The following STXBP5L variants were observed in gnomAD, a reference collection of about 807,000 sequenced individuals.
STXBP5L encodes syntaxin binding protein 5L.
Under a neutral mutation model 144.5 loss-of-function variants are expected in STXBP5L, and 65 were observed. The ratio of observed to expected loss-of-function variants is 0.45; its 90% confidence interval spans 0.37 to 0.55. STXBP5L has a LOEUF of 0.55. Ranked by LOEUF, STXBP5L falls within the 20% of genes least tolerant of loss-of-function variation. The pLI, the probability that STXBP5L is intolerant of heterozygous loss-of-function variation, is 0.00. For synonymous variants in STXBP5L, 505 were observed against 469.6 expected, an observed-to-expected ratio of 1.08 and a Z score of -0.97; for missense variants, 1,298 against 1,405.5, an observed-to-expected ratio of 0.92 and a Z score of 1.22.
At chr3:121,089,626 C>T (rs2042679920) in intron 5 of STXBP5L, among the ~76,000 whole-genome samples, 1 of 151,802 alleles carries the variant, frequency 6.6e-6, no homozygotes, top group Admixed American at 6.6e-5. Flanking sequence ...TTTTGCTCAG[C>T]TTCTTGCATT....
intron 5 of STXBP5L, among the ~76,000 whole-genome samples, chr3:121,054,862 T>A (rs1560066772): frequency 6.6e-6 from 1 of 151,970 alleles, no homozygotes; most frequent in African/African-American, 2.4e-5. Flanking sequence ...TTTCTTCTAA[T>A]ACTTTGAATA....
intron 19 of STXBP5L, among the ~76,000 whole-genome samples, chr3:121,281,876 G>C (rs1451331410): frequency 6.6e-6 from 1 of 151,608 alleles, no homozygotes; most frequent in East Asian, 1.9e-4. Flanking sequence ...AAGGATTAAA[G>C]ACAATCATTT....
chr3:121,321,666 T>G (rs961288573), intron 20 of STXBP5L, among the ~76,000 whole-genome samples: 2 of 152,168 alleles, frequency 1.3e-5, no homozygotes, highest in African/African-American at 4.8e-5. Flanking sequence ...ATGAAACATT[T>G]TAAAAATATT....
At chr3:120,931,674 T>A (rs766552211) in intron 2 of STXBP5L, among the ~76,000 whole-genome samples, 18 of 152,140 alleles carry the variant, frequency 1.2e-4, no homozygotes, top group Admixed American at 2.0e-4. Flanking sequence ...GAAAAAAAAT[T>A]TCTCATTATT....
chr3:120,993,500 G>A (rs144410326), intron 3 of STXBP5L, among the ~76,000 whole-genome samples: 158 of 152,018 alleles, frequency 1.0e-3, no homozygotes, highest in African/African-American at 3.5e-3. Flanking sequence ...GAGATTTAGG[G>A]GTCTAGTTTC....
At chr3:120,967,331 T>C (rs1939711080) in intron 3 of STXBP5L, among the ~76,000 whole-genome samples, 1 of 152,122 alleles carries the variant, frequency 6.6e-6, no homozygotes, top group Non-Finnish European at 1.5e-5. Context: ...CCCAGTGAGA[T>C]TAAGCAGGTA....
At chr3:120,923,055 T>C (rs1366655659) in intron 2 of STXBP5L, among the ~76,000 whole-genome samples, 1 of 152,044 alleles carries the variant, frequency 6.6e-6, no homozygotes, top group African/African-American at 2.4e-5. Flanking sequence ...GTTTTCTATC[T>C]CTTCTTGGTT....
intron 9 of STXBP5L, among the ~76,000 whole-genome samples, chr3:121,167,669 C>G (rs1369058977): frequency 6.6e-6 from 1 of 152,202 alleles, no homozygotes; most frequent in Non-Finnish European, 1.5e-5. Context: ...AAAAATAAGA[C>G]AGCAGCCCCA....
Position 121,150,413 on chromosome 3 carries a change from C to T in STXBP5L, c.670-2064C>T, listed in dbSNP as rs532059658. Among the ~76,000 whole-genome samples the T allele has an allele frequency of 4.1e-4, 63 of 152,110 alleles. No individual in the cohort carries two copies. In the South Asian group the frequency reaches 0.011, roughly 26 times the overall value. ...CCTCATGGTCACAGAGTGGCCTTGT[C>T]TAATGTCTCCTGGATGTCAGGGGGA... On this transcript the variant is annotated intron_variant, in intron 7 of 26. Coordinates refer to ENST00000471454, the MANE Select transcript of STXBP5L (RefSeq NM_001308330.2).
intron 22 of STXBP5L, among the ~76,000 whole-genome samples, chr3:121,406,720 TGTTTGATTTTGAAGAAAAA>T (rs2047000844): frequency 6.6e-6 from 1 of 152,060 alleles, no homozygotes; most frequent in South Asian, 2.1e-4. Flanking sequence ...AATTTCTTCT[TGTTTGATTTTGAAGAAAAA>T]TCAAGCATTT....
chr3:121,396,346 A>G (rs2108721331), intron 22 of STXBP5L, among the ~76,000 whole-genome samples: 1 of 152,350 alleles, frequency 6.6e-6, no homozygotes, highest in South Asian at 2.1e-4. Context: ...TTCCACATGG[A>G]GAAAAATGTA....
intron 18 of STXBP5L, among the ~76,000 whole-genome samples, chr3:121,279,017 G>A (rs574466781): frequency 2.0e-5 from 3 of 151,718 alleles, no homozygotes; most frequent in South Asian, 2.1e-4. Flanking sequence ...AACATGGAAC[G>A]TACATAAAAC....
intron 18 of STXBP5L, among the ~76,000 whole-genome samples, chr3:121,265,340 C>A (rs976808526): frequency 1.3e-5 from 2 of 152,206 alleles, no homozygotes; most frequent in African/African-American, 4.8e-5. Flanking sequence ...CATGCAACTA[C>A]ATGGAAACTG....
chr3:121,345,009 A>G (rs867361192), intron 20 of STXBP5L, among the ~76,000 whole-genome samples: 16 of 151,478 alleles, frequency 1.1e-4, no homozygotes, highest in Non-Finnish European at 1.0e-4. Context: ...TAAGTACAGA[A>G]AGCATATTTT....
Position 121,013,593 on chromosome 3 carries a change from A to G in STXBP5L, c.288-28107A>G, listed in dbSNP as rs572081704. 2.6e-5 allele frequency among the ~76,000 whole-genome samples: 4 copies of G among 152,030 alleles called. No individual in the cohort carries two copies. The South Asian group carries it at 8.3e-4, about 32-fold the overall frequency. The stretch of plus-strand genomic sequence containing the variant: ...GTCCTTTGTTGGATGCCTGGTTTGC[A>G]AATATTTTCTCCCATTCTGTAGGTC... On this transcript the variant is annotated intron_variant, in intron 3 of 26. Coordinates refer to ENST00000471454, the MANE Select transcript of STXBP5L (RefSeq NM_001308330.2).
At chr3:121,284,529 G>A (rs988011568) in intron 19 of STXBP5L, among the ~76,000 whole-genome samples, 13 of 151,970 alleles carry the variant, frequency 8.6e-5, no homozygotes, top group Non-Finnish European at 4.4e-5. Flanking sequence ...CTTTCCAAAT[G>A]CATGACAAGA....
At chr3:121,181,451 C>T (rs1331590175) in intron 9 of STXBP5L, among the ~76,000 whole-genome samples, 16 of 152,186 alleles carry the variant, frequency 1.1e-4, no homozygotes, top group East Asian at 1.9e-4. Context: ...CCTCACCAAC[C>T]GGCTGGGCGC....
At chr3:120,922,167 A>T (rs1709391362) in intron 2 of STXBP5L, among the ~76,000 whole-genome samples, 1 of 151,684 alleles carries the variant, frequency 6.6e-6, no homozygotes, top group African/African-American at 2.4e-5. Context: ...GAGATCTTTC[A>T]CTTCTTTAAT....
At chr3:121,009,240 A>G (rs1944588748) in intron 3 of STXBP5L, among the ~76,000 whole-genome samples, 1 of 151,922 alleles carries the variant, frequency 6.6e-6, no homozygotes, top group Non-Finnish European at 1.5e-5. Context: ...TATGTTAGGC[A>G]TTGACATAAG....
Sources: allele counts gnomAD v4.1 joint callset (sites outside exome capture counted in the v4.1 genomes callset), GRCh38; gene constraint gnomAD v4.1.1; transcripts MANE v1.5; gene names NCBI Gene and HGNC (gene_info 2026-07-23, HGNC 2026-07-21).